SORCS1: variants seen among roughly 807,000 people sequenced by gnomAD.
SORCS1 encodes the protein VPS10 domain-containing receptor SorCS1.
Under a neutral mutation model 146.1 loss-of-function variants are expected in SORCS1, and 60 were observed. The observed-to-expected ratio is 0.41, with a 90% CI of 0.33 to 0.51. The LOEUF is 0.51. SORCS1 is among the 20% of genes least tolerant of loss of function. SORCS1 has a pLI of 0.21. For missense variants in SORCS1, 1,352 were observed against 1,487.6 expected (o/e 0.91, Z 1.50); for synonymous variants, 637 against 584.0 (o/e 1.09, Z -1.31).
At position 106,606,274 on chromosome 10, in the gene SORCS1, TACAC is replaced by T. The variant is rs6144077; in HGVS notation, c.3165+888_3165+891del. Among the ~76,000 whole-genome samples, 1,227 of 139,000 alleles carry T rather than the reference TACAC, an allele frequency of 8.8e-3. 9 individuals carry two copies. Among genetic ancestry groups the T allele is most frequent in the African/African-American group, 0.018 (594 of 33,182 alleles). 91.2% of individuals were successfully genotyped at this position (139,000 alleles called of 152,430 possible). ...AATCACACAAATACACACACAGATA[TACAC>T]ACACACACACACACACACACACACA... On this transcript the variant is annotated intron_variant, in intron 23 of 25. Transcript: ENST00000263054.
At chr10:106,642,525 A>C (rs913777123) in intron 18 of SORCS1, among the ~76,000 whole-genome samples, 4 of 152,200 alleles carry the variant, frequency 2.6e-5, no homozygotes, top group Non-Finnish European at 5.9e-5. Flanking sequence ...TCAAATAAGA[A>C]ATGCACTCAT....
intron 1 of SORCS1, among the ~76,000 whole-genome samples, chr10:106,989,623 A>G (rs1956660335): frequency 1.3e-5 from 2 of 150,528 alleles, no homozygotes; most frequent in South Asian, 2.1e-4. Flanking sequence ...ACATTTATAT[A>G]AACCATTCCA....
At chr10:106,826,283 G>T (rs1948300732) in intron 3 of SORCS1, among the ~76,000 whole-genome samples, 1 of 152,258 alleles carries the variant, frequency 6.6e-6, no homozygotes, top group Non-Finnish European at 1.5e-5. Flanking sequence ...CCACTAGCGT[G>T]AAAAGCAGAG....
chr10:107,164,957 C>T (rs1969999948), upstream of SORCS1, among the ~76,000 whole-genome samples: 1 of 150,270 alleles, frequency 6.7e-6, no homozygotes, highest in Non-Finnish European at 1.5e-5. This position sits in a 1 kb window ranked among gnomAD's most constrained non-coding sequence, Gnocchi z 6.8. Context: ...GCCCACTCTG[C>T]GCCCCCGCGG....
chr10:107,101,720 T>C, intron 1 of SORCS1, among the ~76,000 whole-genome samples: 1 of 151,966 alleles, frequency 6.6e-6, no homozygotes. Context: ...GCATAACATT[T>C]CCAGAAACAA....
intron 4 of SORCS1, among the ~76,000 whole-genome samples, chr10:106,773,612 C>T (rs1359452567): frequency 6.6e-6 from 1 of 152,122 alleles, no homozygotes; most frequent in African/African-American, 2.4e-5. Context: ...CAGTAGAAAG[C>T]CTGGCTCTTT....
At position 107,101,646 on chromosome 10, in the gene SORCS1, A is replaced by G. The variant is rs376661691; in HGVS notation, c.558+62323T>C. Among the ~76,000 whole-genome samples the G allele has an allele frequency of 1.6e-4, 25 of 152,232 alleles. 1 individual carries two copies. The South Asian group carries it at 2.9e-3, about 18-fold the overall frequency. On this transcript the variant is annotated intron_variant, in intron 1 of 25. Transcript: ENST00000263054. ...CAAACTGCTGGGATTATAGGACTGA[A>G]CCAATGCACCGGGGTTGAATATGCT...
chr10:106,751,572 G>C (rs1316679371), intron 5 of SORCS1, among the ~76,000 whole-genome samples: 1 of 152,030 alleles, frequency 6.6e-6, no homozygotes, highest in Non-Finnish European at 1.5e-5. Flanking sequence ...TACTCCTTAG[G>C]ACAGCCTAAG....
chr10:107,129,023 C>T (rs1232874552), intron 1 of SORCS1, among the ~76,000 whole-genome samples: 1 of 152,176 alleles, frequency 6.6e-6, no homozygotes, highest in Non-Finnish European at 1.5e-5. Flanking sequence ...TTCTCAACAC[C>T]AGTCCCTGAG....
chr10:106,675,984 A>C (rs1851995900), intron 13 of SORCS1, among the ~76,000 whole-genome samples: 1 of 152,162 alleles, frequency 6.6e-6, no homozygotes, highest in South Asian at 2.1e-4. Context: ...CCAGAACTAC[A>C]AGAAATTAAT....
At chr10:107,065,862 A>T (rs961285995) in intron 1 of SORCS1, among the ~76,000 whole-genome samples, 3 of 152,106 alleles carry the variant, frequency 2.0e-5, no homozygotes, top group Non-Finnish European at 4.4e-5. Context: ...TCCTGCCAGA[A>T]ATGCTAAGGA....
intron 1 of SORCS1, among the ~76,000 whole-genome samples, chr10:107,075,373 G>A (rs746800962): frequency 6.6e-6 from 1 of 152,108 alleles, no homozygotes; most frequent in African/African-American, 2.4e-5. Context: ...GAAAACAAAG[G>A]TCTTCTATGA....
chr10:106,810,993 T>G (rs1046208391), intron 3 of SORCS1, among the ~76,000 whole-genome samples: 5 of 150,592 alleles, frequency 3.3e-5, no homozygotes, highest in Non-Finnish European at 7.4e-5. Flanking sequence ...CAGGCTGGAG[T>G]GCAGCGGTGC....
chr10:106,942,262 G>A (rs1954081387), intron 2 of SORCS1, among the ~76,000 whole-genome samples: 1 of 152,086 alleles, frequency 6.6e-6, no homozygotes, highest in African/African-American at 2.4e-5. Context: ...ATGGATCGAA[G>A]GTCCTACTGT....
intron 2 of SORCS1, among the ~76,000 whole-genome samples, chr10:106,955,391 C>T (rs1414209082): frequency 6.6e-6 from 1 of 152,236 alleles, no homozygotes; most frequent in African/African-American, 2.4e-5. Context: ...AGCTGGCGCA[C>T]CTGGCTTGCC....
intron 17 of SORCS1, among the ~76,000 whole-genome samples, chr10:106,654,959 C>T (rs555298911): frequency 5.9e-5 from 9 of 152,106 alleles, no homozygotes; most frequent in African/African-American, 9.6e-5. Flanking sequence ...TGGGTTCAAG[C>T]GATTCTCTCG....
At chr10:106,871,364 T>C (rs1322124184) in intron 2 of SORCS1, among the ~76,000 whole-genome samples, 1 of 152,112 alleles carries the variant, frequency 6.6e-6, no homozygotes, top group Non-Finnish European at 1.5e-5. Context: ...GAACTACCAT[T>C]CCACCCAGCA....
intron 18 of SORCS1, among the ~76,000 whole-genome samples, chr10:106,645,245 T>C (rs1455986898): frequency 6.6e-6 from 1 of 151,236 alleles, no homozygotes; most frequent in African/African-American, 2.4e-5. Flanking sequence ...CTCAGCTCAC[T>C]GCAACCTTCA....
intron 2 of SORCS1, among the ~76,000 whole-genome samples, chr10:106,944,874 CTTTTTTTTTTTTT>C (rs765355110): frequency 1.1e-4 from 4 of 36,576 alleles, no homozygotes; most frequent in South Asian, 1.5e-3. Context: ...AAAGAGCCTT[CTTTTTTTTTTTTT>C]TTTTTTTTTT....
Sources: allele counts gnomAD v4.1 joint callset (sites outside exome capture counted in the v4.1 genomes callset), GRCh38; gene constraint gnomAD v4.1.1; non-coding constraint Gnocchi (gnomAD v3.1); transcripts MANE v1.5; gene names NCBI Gene and HGNC (gene_info 2026-07-23, HGNC 2026-07-21).